Variants in KLK11 observed in about 807,000 individuals in gnomAD.
KLK11 encodes kallikrein related peptidase 11, also known as kallikrein-11.
KLK11 carries 10 observed loss-of-function variants against 23.4 expected under a neutral mutation model. The observed-to-expected ratio is 0.43, with a 90% confidence interval of 0.26 to 0.73. The LOEUF is 0.73. Ranked by LOEUF, KLK11 falls within the 30% of genes least tolerant of loss-of-function variation. The pLI is 0.22. For synonymous variants in KLK11, 131 were observed against 131.7 expected (o/e 0.99, Z 0.03); for missense variants, 285 against 327.8 (o/e 0.87, Z 1.01).
chr19:51,024,503 A>G lies in KLK11; in HGVS notation c.197+135T>C. On this transcript the variant is annotated intron_variant, in intron 3 of 5. Coordinates refer to ENST00000453757, the MANE Select transcript of KLK11 (RefSeq NM_001136032.3). This position sits in a 1 kb window ranked among gnomAD's most constrained non-coding sequence, Gnocchi z 6.2. ...TCCCCCCACCTTCAATACCAACTCGAGCCCATCAACCTTGCTGACACTACC... is the reference window on the plus strand; with the variant it reads ...TCCCCCCACCTTCAATACCAACTCGGGCCCATCAACCTTGCTGACACTACC... The G allele has an allele frequency of 8.2e-7, 1 of 1,215,420 alleles. No homozygotes were observed. The highest frequency in any genetic ancestry group is 1.1e-6 in the Non-Finnish European group (1 of 898,482). 75.3% of individuals were successfully genotyped at this position (1,215,420 alleles called of 1,614,324 possible).
rs138758563 is a variant in KLK11 at position 51,024,678 on chromosome 19, C to T, written c.157G>A (p.Ala53Thr). 3.6e-5 allele frequency: 57 copies of T among 1,597,700 alleles called. No homozygotes were observed. The highest frequency in any genetic ancestry group is 1.8e-4 in the East Asian group (8 of 44,258). ...TRLLCGATLI[A>T]PRWLLTAAHC... is the part of the protein sequence containing the mutation. ...GCTGCTGTCAGGAGCCATCTGGGGG[C>T]GATGAGCGTCGCCCCACAGAGTAGC... is the stretch of plus-strand genomic sequence containing the variant. The change falls in exon 3 of 6, where the codon GCC becomes ACC. Residue 53 changes from alanine to threonine, a missense_variant. Ala to Thr is a moderately conservative substitution (Grantham distance 58, BLOSUM62 0). Transcript: ENST00000453757. This position sits in a 1 kb window ranked among gnomAD's most constrained non-coding sequence, Gnocchi z 6.2.
At chr19:51,023,866 G>A (rs2091437471) in intron 4 of KLK11, 179 bp downstream of exon 4, 3 of 521,968 alleles carry the variant, frequency 5.7e-6, no homozygotes, top group South Asian at 4.0e-5. Context: ...TATCCCGTCC[G>A]TCTGACTCCA....
intron 4 of KLK11, 88 bp from the exon 5 acceptor site, chr19:51,023,316 A>G: frequency 1.3e-6 from 2 of 1,509,218 alleles, no homozygotes; most frequent in Non-Finnish European, 9.0e-7. Context: ...CCCTGGGGGA[A>G]TCCCTGTCCT....
intron 4 of KLK11, chr19:51,023,683 C>A: frequency 4.5e-6 from 1 of 220,982 alleles, no homozygotes; most frequent in Non-Finnish European, 8.8e-6. Flanking sequence ...CGGTGCCCAG[C>A]CTGCTATCCA....
intron 4 of KLK11, 114 bp downstream of exon 4, chr19:51,023,931 C>T (rs1284794327): frequency 1.0e-6 from 1 of 980,052 alleles, no homozygotes; most frequent in African/African-American, 1.6e-5. Flanking sequence ...CACATCCTCT[C>T]AACTTATCCC....
In KLK11 at chr19:51,024,809, A is replaced by G. The variant is rs1205533474; in HGVS notation, c.41-15T>C. ...CCCTACAAGCCCTGGAGGGGGTGAGAGCAAAAGAAGGGGCTCAGGAAGGAG... is the reference window on the plus strand; with the variant it reads ...CCCTACAAGCCCTGGAGGGGGTGAGGGCAAAAGAAGGGGCTCAGGAAGGAG... On this transcript the variant is annotated splice_polypyrimidine_tract_variant and intron_variant, in intron 2 of 5. Coordinates refer to ENST00000453757, the MANE Select transcript of KLK11 (RefSeq NM_001136032.3). This position sits in a 1 kb window ranked among gnomAD's most constrained non-coding sequence, Gnocchi z 6.2. 2 of 1,546,884 alleles carry G rather than the reference A, an allele frequency of 1.3e-6. No homozygotes were observed. Among genetic ancestry groups the G allele is most frequent in the African/African-American group, 1.4e-5 (1 of 70,768 alleles).
chr19:51,023,631 C>T (rs781233364), intron 4 of KLK11: 1 of 216,322 alleles, frequency 4.6e-6, no homozygotes, highest in Non-Finnish European at 9.1e-6. Context: ...GTGATCTTCC[C>T]ACCTCGGCCT....
In KLK11 at chr19:51,022,403, A is replaced by G; in HGVS notation, c.*142T>C. 2.2e-6 allele frequency: 2 copies of G among 919,354 alleles called. No homozygotes were observed. Among genetic ancestry groups the G allele is most frequent in the Non-Finnish European group, 3.4e-6 (2 of 584,396 alleles). The allele number at this position is 919,354 out of a possible 1,614,324, so 56.9% of individuals were successfully genotyped here. A position where few individuals can be genotyped will look rare whatever the true frequency, so the allele number is the denominator to read the frequency against. The stretch of plus-strand genomic sequence containing the variant: ...ATTTCGAACCCCAGGTTGATTATTA[A>G]GTGACAGCATCTCCTGTAGTCCAGG... On this transcript the variant is annotated 3_prime_UTR_variant, in exon 6 of 6. Transcript: ENST00000453757.
At position 51,024,263 on chromosome 19, in the gene KLK11, C is replaced by G. The variant is rs1403154789; in HGVS notation, c.245G>C (p.Gly82Ala). The change falls in exon 4 of 6, where the codon GGC becomes GCC. Residue 82 changes from glycine to alanine, a missense_variant. Physicochemically the swap from Gly to Ala is moderately conservative, Grantham distance 60. Transcript: ENST00000453757. The surrounding 1 kb of genome is among the most constrained non-coding windows in gnomAD (Gnocchi z 6.2). ...LGQHNLQKEE[G>A]CEQTRTATES... ...AGTGGCTGTCCGGGTCTGCTCACAG[C>G]CCTCCTCCTTCTGGAGGTTGTGCTG... is the stretch of plus-strand genomic sequence containing the variant. 1 of 1,613,966 alleles carries G rather than the reference C, an allele frequency of 6.2e-7. No homozygotes were observed. The highest frequency in any genetic ancestry group is 8.5e-7 in the Non-Finnish European group (1 of 1,179,978).
At chr19:51,023,729 T>A (rs2091435744) in intron 4 of KLK11, 1 of 289,170 alleles carries the variant, frequency 3.5e-6, no homozygotes, top group Non-Finnish European at 6.4e-6. Context: ...ATATACATTA[T>A]CTCTAATCCA....
Position 51,025,473 on chromosome 19 carries a change from G to A in KLK11, c.40+119C>T, listed in dbSNP as rs2091468400. 5.2e-6 allele frequency: 3 copies of A among 577,286 alleles called. No individual in the cohort carries two copies. Among genetic ancestry groups the A allele is most frequent in the African/African-American group, 2.0e-5 (1 of 51,176 alleles). 35.8% of individuals were successfully genotyped at this position (577,286 alleles called of 1,614,324 possible). A position where few individuals can be genotyped will look rare whatever the true frequency, so the allele number is the denominator to read the frequency against. On this transcript the variant is annotated intron_variant, in intron 2 of 5. Coordinates refer to ENST00000453757, the MANE Select transcript of KLK11 (RefSeq NM_001136032.3). This position sits in a 1 kb window ranked among gnomAD's most constrained non-coding sequence, Gnocchi z 6.2. Reference sequence around the variant, plus strand: ...CCTCATGACCACTGCTCCAGTTCAGGTGCCTTATGGGTTGTTCTGTAATTT... The same window carrying A: ...CCTCATGACCACTGCTCCAGTTCAGATGCCTTATGGGTTGTTCTGTAATTT...
upstream of KLK11, chr19:51,027,160 C>CA (rs2091498482): frequency 5.4e-6 from 2 of 373,266 alleles, no homozygotes. Flanking sequence ...CACTCCCTCT[C>CA]CACAGCCCCA....
At chr19:51,023,927 C>G in intron 4 of KLK11, 118 bp downstream of exon 4, 1 of 944,820 alleles carries the variant, frequency 1.1e-6, no homozygotes, top group Non-Finnish European at 1.5e-6. Context: ...TCCACACATC[C>G]TCTCAACTTA....
Position 51,023,409 on chromosome 19 carries a change from G to A in KLK11, c.464-181C>T, listed in dbSNP as rs905834110. 9 of 635,034 alleles carry A rather than the reference G, an allele frequency of 1.4e-5. No individual in the cohort carries two copies. The African/African-American group carries it at 1.5e-4, about 11-fold the overall frequency. The allele number at this position is 635,034 out of a possible 1,614,324, so 39.3% of individuals were successfully genotyped here. ...CTTTTTTTTTTTTTTTTTCGAGACA[G>A]AGTCTTGCTCTGTTGCCCAGGCTGG... On this transcript the variant is annotated intron_variant, in intron 4 of 5. Coordinates refer to ENST00000453757, the MANE Select transcript of KLK11 (RefSeq NM_001136032.3).
In KLK11 at chr19:51,024,425, C is replaced by T. The variant is rs751668241; in HGVS notation, c.198-115G>A. 5.2e-5 allele frequency: 77 copies of T among 1,478,042 alleles called. 1 individual carries two copies. In the South Asian group the frequency reaches 5.3e-4, roughly 10 times the overall value. 91.6% of individuals were successfully genotyped at this position (1,478,042 alleles called of 1,614,324 possible). On this transcript the variant is annotated intron_variant, in intron 3 of 5. Coordinates refer to ENST00000453757, the MANE Select transcript of KLK11 (RefSeq NM_001136032.3). The surrounding 1 kb of genome is among the most constrained non-coding windows in gnomAD (Gnocchi z 6.2). ...ATCGCTCTGCTTCCAACCTCTTCCA[C>T]GTCTCCCACCGAAGCCCCCTTCCCA...
intron 4 of KLK11, 198 bp downstream of exon 4, chr19:51,023,847 A>G: frequency 2.0e-6 from 1 of 492,750 alleles, no homozygotes; most frequent in South Asian, 4.5e-5. Flanking sequence ...TTATGGATGT[A>G]TGATTGCATA....
Position 51,025,655 on chromosome 19 carries a change from C to G in KLK11, c.-24G>C. The G allele has an allele frequency of 6.4e-7, 1 of 1,574,322 alleles. No homozygotes were observed. ...ATGGCCTGGAGGGGGGAGGAGCGGG[C>G]CCCAGGTTCCTCTGGGAACAAGGAG... On this transcript the variant is annotated 5_prime_UTR_variant, in exon 2 of 6. Transcript: ENST00000453757. This position sits in a 1 kb window ranked among gnomAD's most constrained non-coding sequence, Gnocchi z 6.2.
At position 51,025,391 on chromosome 19, in the gene KLK11, C is replaced by T. The variant is rs1012648282; in HGVS notation, c.40+201G>A. 2.0e-5 allele frequency among the ~76,000 whole-genome samples: 3 copies of T among 152,184 alleles called. No individual in the cohort carries two copies. Among genetic ancestry groups the T allele is most frequent in the African/African-American group, 7.2e-5 (3 of 41,432 alleles). On this transcript the variant is annotated intron_variant, in intron 2 of 5. Coordinates refer to ENST00000453757, the MANE Select transcript of KLK11 (RefSeq NM_001136032.3). The surrounding 1 kb of genome is among the most constrained non-coding windows in gnomAD (Gnocchi z 6.2). ...GCCCCTCCACGGGACCCTTTACGAC[C>T]CCCTTGACCTCTCCTCCTTTGGCAT... is the stretch of plus-strand genomic sequence containing the variant.
chr19:51,023,257 A>G (rs1406043432), intron 4 of KLK11, 29 bp from the exon 5 acceptor site: 2 of 1,606,422 alleles, frequency 1.2e-6, no homozygotes, highest in Non-Finnish European at 1.7e-6. Flanking sequence ...GGGCTGTGGG[A>G]ATGAGCCCCC....
Sources: gnomAD v4.1 joint callset for allele counts (sites outside exome capture counted in the v4.1 genomes callset) on GRCh38, gnomAD v4.1.1 for gene constraint, Gnocchi (gnomAD v3.1) non-coding constraint, MANE v1.5 for transcripts, NCBI Gene and HGNC (gene_info 2026-07-23, HGNC 2026-07-21) for gene names.